The following TEX30 variants were observed in gnomAD, a reference collection of about 807,000 sequenced individuals.
TEX30 encodes testis-expressed protein 30.
In TEX30, 14 loss-of-function variants were observed where a neutral mutation model predicts 23.8. The observed-to-expected ratio is 0.59, with a 90% confidence interval of 0.39 to 0.92. TEX30 has a LOEUF of 0.92. TEX30 is among the 40% of genes least tolerant of loss of function. The probability of loss-of-function intolerance (pLI) is 0.00; values close to 1 mark genes in which losing one functional copy is unlikely to be tolerated. For missense variants in TEX30, 246 were observed against 270.6 expected (o/e 0.91, Z 0.64); for synonymous variants, 78 against 90.2 (o/e 0.87, Z 0.76).
chr13:102,770,084 TC>T lies in TEX30; in HGVS notation c.-59del. On this transcript the variant is annotated splice_region_variant and 5_prime_UTR_variant, in exon 2 of 6. Transcript: ENST00000376032. ...TTACATCTGAGAAGCAAAGGACATC[TC>T]CCTGAAAAGAAGATTCTGTTGTGAA... 1 of 1,241,534 alleles carries T rather than the reference TC, an allele frequency of 8.1e-7. No individual in the cohort carries two copies. Among genetic ancestry groups the T allele is most frequent in the South Asian group, 2.9e-5 (1 of 34,662 alleles). The allele number at this position is 1,241,534 out of a possible 1,614,324, so 76.9% of individuals were successfully genotyped here. A position where few individuals can be genotyped will look rare whatever the true frequency, so the allele number is the denominator to read the frequency against.
chr13:102,766,332 C>A lies in TEX30; in HGVS notation c.*69G>T. ...TCAAATTAGTCTGAAATATATCTCA[C>A]AATGCTGAGAGGCATACTCTTCTTT... On this transcript the variant is annotated 3_prime_UTR_variant, in exon 6 of 6. Transcript: ENST00000376032. 1 of 1,299,698 alleles carries A rather than the reference C, an allele frequency of 7.7e-7. No individual in the cohort carries two copies. Among genetic ancestry groups the A allele is most frequent in the Non-Finnish European group, 1.1e-6 (1 of 942,512 alleles). 80.5% of individuals were successfully genotyped at this position (1,299,698 alleles called of 1,614,324 possible).
At chr13:102,771,021 A>T (rs373285301) in intron 1 of TEX30, among the ~76,000 whole-genome samples, 1 of 152,340 alleles carries the variant, frequency 6.6e-6, no homozygotes, top group East Asian at 1.9e-4. Flanking sequence ...TTCAAAAGGT[A>T]CCAAGAATAT....
intron 1 of TEX30, among the ~76,000 whole-genome samples, chr13:102,771,271 T>G (rs1289128950): frequency 1.3e-5 from 2 of 152,256 alleles, no homozygotes; most frequent in Non-Finnish European, 2.9e-5. Context: ...CATTTCATTT[T>G]TGAATAGGTA....
intron 1 of TEX30, among the ~76,000 whole-genome samples, chr13:102,771,710 C>T: frequency 6.6e-6 from 1 of 152,280 alleles, no homozygotes; most frequent in South Asian, 2.1e-4. Flanking sequence ...GTTCAAAGAT[C>T]CTCTGTTTTA....
chr13:102,770,387 A>T (rs1455590829), intron 1 of TEX30: 6 of 167,738 alleles, frequency 3.6e-5, no homozygotes, highest in Non-Finnish European at 7.6e-5. Flanking sequence ...ATGTATAAAT[A>T]CACATTTTTG....
chr13:102,769,132 A>G (rs1877118305), intron 3 of TEX30, among the ~76,000 whole-genome samples, 179 bp downstream of exon 3: 1 of 152,038 alleles, frequency 6.6e-6, no homozygotes, highest in African/African-American at 2.4e-5. Flanking sequence ...TCTCCATGGA[A>G]ACTGATGACA....
intron 1 of TEX30, among the ~76,000 whole-genome samples, chr13:102,772,585 T>G (rs1043635009): frequency 1.3e-5 from 2 of 152,300 alleles, no homozygotes; most frequent in African/African-American, 4.8e-5. Context: ...CATCTGGGTT[T>G]GTTTTTTTGA....
rs1454592058 is a variant in TEX30 at position 102,766,215 on chromosome 13, C to T, written c.*186G>A. On this transcript the variant is annotated 3_prime_UTR_variant, in exon 6 of 6. Transcript: ENST00000376032. ...TCAATATTTTTACATCATCTTTATA[C>T]AACTGTAACAGTGCTTTCAAAAGAC... The T allele has an allele frequency of 1.4e-5, 6 of 430,924 alleles. No homozygotes were observed. The highest frequency in any genetic ancestry group is 2.0e-5 in the Non-Finnish European group (5 of 248,370). 26.7% of individuals were successfully genotyped at this position (430,924 alleles called of 1,614,324 possible).
chr13:102,766,292 G>T lies in TEX30; in HGVS notation c.*109C>A. ...TTTAAAACGTGTTTCAAAAATAAGG[G>T]AACATTAAAGAACATCAAATTAGTC... On this transcript the variant is annotated 3_prime_UTR_variant, in exon 6 of 6. Transcript: ENST00000376032. The T allele has an allele frequency of 1.1e-6, 1 of 900,374 alleles. No individual in the cohort carries two copies. The highest frequency in any genetic ancestry group is 1.6e-6 in the Non-Finnish European group (1 of 625,334). The allele number at this position is 900,374 out of a possible 1,614,324, so 55.8% of individuals were successfully genotyped here. A position where few individuals can be genotyped will look rare whatever the true frequency, so the allele number is the denominator to read the frequency against.
Position 102,766,394 on chromosome 13 carries a change from C to CT in TEX30, c.*6dup. 1 of 1,611,430 alleles carries CT rather than the reference C, an allele frequency of 6.2e-7. No individual in the cohort carries two copies. On this transcript the variant is annotated 3_prime_UTR_variant, in exon 6 of 6. Transcript: ENST00000376032. ...TGTATGTGTACTCAAGATAACATGG[C>CT]TTTTAACTAATGACATTTCTTGTCC...
At chr13:102,771,800 G>C (rs1877339796) in intron 1 of TEX30, among the ~76,000 whole-genome samples, 2 of 152,194 alleles carry the variant, frequency 1.3e-5, no homozygotes, top group Middle Eastern at 3.2e-3. Context: ...TGGGGAAGGG[G>C]ATCTGGATAT....
intron 4 of TEX30, 141 bp from the exon 5 acceptor site, chr13:102,767,619 G>A (rs1261081909): frequency 3.3e-6 from 3 of 913,734 alleles, no homozygotes; most frequent in South Asian, 1.7e-5. Flanking sequence ...CAATTAACAA[G>A]TTGCAATACC....
Position 102,771,033 on chromosome 13 carries a change from T to C in TEX30, c.-60-947A>G, listed in dbSNP as rs115727388. Among the ~76,000 whole-genome samples the C allele has an allele frequency of 3.8e-3, 577 of 152,326 alleles. 2 individuals are homozygous for C. Among genetic ancestry groups the C allele is most frequent in the African/African-American group, 0.013 (537 of 41,572 alleles). ...AAGTTCAAAAGGTACCAAGAATATGTAGTGAAAAAGTCTCACTCATTCCAC... is the reference window on the plus strand; with the variant it reads ...AAGTTCAAAAGGTACCAAGAATATGCAGTGAAAAAGTCTCACTCATTCCAC... On this transcript the variant is annotated intron_variant, in intron 1 of 5. Transcript: ENST00000376032.
At chr13:102,769,759 T>C in intron 2 of TEX30, 1 of 537,678 alleles carries the variant, frequency 1.9e-6, no homozygotes, top group East Asian at 3.2e-5. Flanking sequence ...CTAACAATTC[T>C]GTGAGGCAAG....
chr13:102,768,278 C>A lies in TEX30; in HGVS notation c.280G>T (p.Ala94Ser). 1 of 1,605,654 alleles carries A rather than the reference C, an allele frequency of 6.2e-7. No homozygotes were observed. The highest frequency in any genetic ancestry group is 8.5e-7 in the Non-Finnish European group (1 of 1,176,894). The change falls in exon 4 of 6, where the codon GCA (alanine) becomes TCA (serine). Residue 94 changes from alanine to serine, a missense_variant. Ala to Ser is a moderately conservative substitution (Grantham distance 99). Transcript: ENST00000376032. ...YLKTSGEYKL[A>S]GVFLGGRSMG... The stretch of plus-strand genomic sequence containing the variant: ...CACTTACCTCCAAGAAAAACACCTG[C>A]AAGTTTGTATTCTCCTGATGTCTTC...
At chr13:102,770,114 T>A in intron 1 of TEX30, 28 bp from the exon 2 acceptor site, 2 of 965,076 alleles carry the variant, frequency 2.1e-6, no homozygotes, top group South Asian at 4.0e-5. Context: ...TTGTGAAAGG[T>A]GAGTTGGCAG....
At chr13:102,771,721 C>T (rs1031754950) in intron 1 of TEX30, among the ~76,000 whole-genome samples, 8 of 152,244 alleles carry the variant, frequency 5.3e-5, no homozygotes, top group Non-Finnish European at 7.3e-5. Flanking sequence ...CTCTGTTTTA[C>T]TTTCTCAAGA....
At chr13:102,771,447 G>A (rs948918714) in intron 1 of TEX30, among the ~76,000 whole-genome samples, 1 of 152,032 alleles carries the variant, frequency 6.6e-6, no homozygotes, top group African/African-American at 2.4e-5. Context: ...GTAAACAGAA[G>A]TTTCCACACA....
intron 1 of TEX30, 46 bp from the exon 2 acceptor site, chr13:102,770,132 T>C (rs1877216244): frequency 2.8e-6 from 2 of 703,562 alleles, no homozygotes; most frequent in Middle Eastern, 3.0e-4. Flanking sequence ...CAGACATGGA[T>C]ATGACACAAA....
Sources: gnomAD v4.1 joint callset for allele counts (sites outside exome capture counted in the v4.1 genomes callset) on GRCh38, gnomAD v4.1.1 for gene constraint, MANE v1.5 for transcripts, NCBI Gene and HGNC (gene_info 2026-07-23, HGNC 2026-07-21) for gene names.